The following TIAM1 variants were observed in gnomAD, a reference collection of about 807,000 sequenced individuals.
The protein encoded by TIAM1 is rho guanine nucleotide exchange factor TIAM1.
A neutral mutation model predicts 163.5 loss-of-function variants in TIAM1; 65 were observed. That is an observed-to-expected ratio of 0.40 (90% CI 0.33 to 0.49). TIAM1 has a LOEUF of 0.49. Among genes scored for constraint, TIAM1 ranks in the 20% least tolerant of loss-of-function variants. The probability of loss-of-function intolerance (pLI) is 0.77; values close to 1 mark genes in which losing one functional copy is unlikely to be tolerated. For missense variants in TIAM1, 1,789 were observed against 2,044.7 expected (o/e 0.87, Z 2.41); for synonymous variants, 833 against 810.1 (o/e 1.03, Z -0.48).
chr21:31,539,665 G>C (rs2048258157), intron 1 of TIAM1, among the ~76,000 whole-genome samples: 1 of 152,160 alleles, frequency 6.6e-6, no homozygotes, highest in Non-Finnish European at 1.5e-5. Flanking sequence ...TGAGAAGGGG[G>C]AGGGCAATGT....
Position 31,120,162 on chromosome 21 carries a change from C to A in TIAM1, c.*206G>T. ...TAATATACAGAAGATAGGACTCAAGCTTATTTGGGATTCTGATCAATTCTT... is the reference window on the plus strand; with the variant it reads ...TAATATACAGAAGATAGGACTCAAGATTATTTGGGATTCTGATCAATTCTT... On this transcript the variant is annotated 3_prime_UTR_variant, in exon 28 of 28. Transcript: ENST00000541036. This position sits in a 1 kb window ranked among gnomAD's most constrained non-coding sequence, Gnocchi z 4.2. 1.8e-6 allele frequency: 1 copy of A among 551,720 alleles called. No individual in the cohort carries two copies. Among genetic ancestry groups the A allele is most frequent in the South Asian group, 2.7e-5 (1 of 36,458 alleles). The allele number at this position is 551,720 out of a possible 1,614,324, so 34.2% of individuals were successfully genotyped here.
At chr21:31,273,291 G>C (rs1326379067) in intron 3 of TIAM1, among the ~76,000 whole-genome samples, 1 of 152,172 alleles carries the variant, frequency 6.6e-6, no homozygotes, top group African/African-American at 2.4e-5. Context: ...CTGTAAGCCA[G>C]AGAGAGTGTG....
At chr21:31,411,016 GTGGGCTCC>G (rs2147239776) in intron 2 of TIAM1, among the ~76,000 whole-genome samples, 1 of 152,268 alleles carries the variant, frequency 6.6e-6, no homozygotes, top group Admixed American at 6.5e-5. Flanking sequence ...CCAAGGGTGA[GTGGGCTCC>G]TGACATTGAG....
chr21:31,545,910 T>C (rs1290239749), intron 1 of TIAM1, among the ~76,000 whole-genome samples: 1 of 152,192 alleles, frequency 6.6e-6, no homozygotes, highest in Non-Finnish European at 1.5e-5. Context: ...TGTCCACTAG[T>C]CACACCCATT....
chr21:31,537,684 G>A (rs985780110), intron 1 of TIAM1, among the ~76,000 whole-genome samples: 6 of 151,884 alleles, frequency 4.0e-5, no homozygotes, highest in South Asian at 2.1e-4. Flanking sequence ...CCTGGAAGGC[G>A]GAGGTTGCCA....
intron 1 of TIAM1, among the ~76,000 whole-genome samples, chr21:31,470,441 C>T (rs760100864): frequency 6.6e-6 from 1 of 152,206 alleles, no homozygotes; most frequent in Non-Finnish European, 1.5e-5. Context: ...TCAAGCGATG[C>T]TCCTGCCTCA....
chr21:31,125,169 T>C (rs2082146526), intron 26 of TIAM1, among the ~76,000 whole-genome samples: 1 of 150,840 alleles, frequency 6.6e-6, no homozygotes, highest in Admixed American at 6.6e-5. Context: ...AACATGTATA[T>C]ATTAAGGCTG....
intron 1 of TIAM1, among the ~76,000 whole-genome samples, chr21:31,543,498 C>T (rs1197814430): frequency 7.7e-6 from 1 of 129,418 alleles, no homozygotes; most frequent in Admixed American, 7.9e-5. Context: ...TAGACTATAA[C>T]AACACACAGA....
Position 31,537,755 on chromosome 21 carries a change from GA to G in TIAM1, c.-422+21171del, listed in dbSNP as rs143264200. On this transcript the variant is annotated intron_variant, in intron 1 of 28. Transcript: ENST00000286827. ...CAACAGAGCAAGTCTATCTCCAAAA[GA>G]AAAAAAAAAAGAGAGAAAAGTATTA... 5.0e-3 allele frequency among the ~76,000 whole-genome samples: 680 copies of G among 135,628 alleles called. 6 individuals carry two copies. Among genetic ancestry groups the G allele is most frequent in the African/African-American group, 0.016 (602 of 37,052 alleles). The allele number at this position is 135,628 out of a possible 152,430, so 89.0% of individuals were successfully genotyped here. A position where few individuals can be genotyped will look rare whatever the true frequency, so the allele number is the denominator to read the frequency against.
chr21:31,219,024 C>CTTTTTTTT (rs35555743), intron 8 of TIAM1, among the ~76,000 whole-genome samples: 3 of 88,490 alleles, frequency 3.4e-5, no homozygotes, highest in Non-Finnish European at 6.8e-5. Flanking sequence ...GAAGCATTTC[C>CTTTTTTTT]TTTTTTTTTT....
intron 11 of TIAM1, among the ~76,000 whole-genome samples, chr21:31,203,309 G>T (rs1032515308): frequency 1.3e-5 from 2 of 152,154 alleles, no homozygotes; most frequent in Admixed American, 6.5e-5. Flanking sequence ...TTTTAGTGGA[G>T]ATGGGGTTTC....
At chr21:31,380,122 G>C (rs1021345661) in intron 2 of TIAM1, among the ~76,000 whole-genome samples, 6 of 151,754 alleles carry the variant, frequency 4.0e-5, no homozygotes, top group African/African-American at 1.5e-4. Context: ...AAATTGGCCA[G>C]GCATGGTGGT....
chr21:31,339,865 G>A (rs1186386112), intron 1 of TIAM1, among the ~76,000 whole-genome samples: 6 of 152,164 alleles, frequency 3.9e-5, no homozygotes, highest in Middle Eastern at 3.4e-3. Context: ...TTCAAGCAAC[G>A]GCATCAAAAT....
At chr21:31,165,207 G>A in intron 15 of TIAM1, 142 bp from the exon 16 acceptor site, 1 of 614,610 alleles carries the variant, frequency 1.6e-6, no homozygotes, top group Non-Finnish European at 2.8e-6. Context: ...TCCATCACCT[G>A]GGCTCAATCA....
chr21:31,388,259 A>AC (rs1555964695), intron 2 of TIAM1, among the ~76,000 whole-genome samples: 4,746 of 98,096 alleles, frequency 0.048, 146 homozygotes, highest in African/African-American at 0.062. Flanking sequence ...ACACACACAC[A>AC]ACCTCTTACG....
At chr21:31,242,905 G>A (rs2071271900) in intron 6 of TIAM1, among the ~76,000 whole-genome samples, 1 of 146,408 alleles carries the variant, frequency 6.8e-6, no homozygotes, top group Non-Finnish European at 1.5e-5. Flanking sequence ...AAGAAAAAAT[G>A]ACCAGGTGCA....
chr21:31,363,161 G>T (rs1291943176), intron 2 of TIAM1, among the ~76,000 whole-genome samples: 2 of 152,084 alleles, frequency 1.3e-5, no homozygotes, highest in Non-Finnish European at 2.9e-5. Context: ...AACTGCGGAC[G>T]TCAGCCTAAA....
At chr21:31,133,542 C>G (rs1007986688) in intron 23 of TIAM1, among the ~76,000 whole-genome samples, 9 of 152,212 alleles carry the variant, frequency 5.9e-5, no homozygotes, top group African/African-American at 2.2e-4. Flanking sequence ...GGAGCCTGTG[C>G]AGAAAGTGGT....
chr21:31,290,591 G>A (rs2073981536), intron 2 of TIAM1, among the ~76,000 whole-genome samples: 1 of 139,620 alleles, frequency 7.2e-6, no homozygotes, highest in African/African-American at 2.7e-5. Flanking sequence ...AGGTTGCAGT[G>A]AGCCAAGGTT....
Sources: allele counts gnomAD v4.1 joint callset (sites outside exome capture counted in the v4.1 genomes callset), GRCh38; gene constraint gnomAD v4.1.1; non-coding constraint Gnocchi (gnomAD v3.1); transcripts MANE v1.5; gene names NCBI Gene and HGNC (gene_info 2026-07-23, HGNC 2026-07-21).